The following DRC11 variants were observed in gnomAD, a reference collection of about 807,000 sequenced individuals.
The protein encoded by DRC11 is dynein regulatory complex subunit 11, also known as IQ and AAA domain-containing protein 1.
the DRC11 span, among the ~76,000 whole-genome samples, chr2:236,357,720 AAT>A: frequency 4.7e-5 from 6 of 126,650 alleles, no homozygotes; most frequent in East Asian, 1.2e-3. Flanking sequence ...ATGTATTTAT[AAT>A]ATATAAATAT....
At chr2:236,341,807 C>T in the DRC11 span, among the ~76,000 whole-genome samples, 24 of 152,274 alleles carry the variant, frequency 1.6e-4, no homozygotes, top group Admixed American at 3.3e-4. Context: ...CAGCATGACC[C>T]GAGAGCAGCT....
chr2:236,367,721 C>T, the DRC11 span: 4 of 172,786 alleles, frequency 2.3e-5, no homozygotes, highest in African/African-American at 7.2e-5. The surrounding 1 kb of genome is among the most constrained non-coding windows in gnomAD (Gnocchi z 4.8). Flanking sequence ...ACAATTGAAC[C>T]TCATTTAGCA....
the DRC11 span, chr2:236,392,223 A>G: frequency 6.6e-7 from 1 of 1,512,214 alleles, no homozygotes; most frequent in East Asian, 2.3e-5. This position sits in a 1 kb window ranked among gnomAD's most constrained non-coding sequence, Gnocchi z 5.1. Context: ...TGCTGTTACT[A>G]CACCATAAAC....
At chr2:236,439,518 T>A in the DRC11 span, among the ~76,000 whole-genome samples, 3 of 152,212 alleles carry the variant, frequency 2.0e-5, 1 homozygote, top group South Asian at 6.2e-4. Flanking sequence ...TTGTTCAGTC[T>A]ATCATTCAAG....
chr2:236,338,228 C>T, the DRC11 span: 1 of 1,613,792 alleles, frequency 6.2e-7, no homozygotes, highest in East Asian at 2.2e-5. Flanking sequence ...ATAGTCTGGT[C>T]TGGGCACCAA....
the DRC11 span, among the ~76,000 whole-genome samples, chr2:236,315,765 A>T: frequency 6.6e-6 from 1 of 152,158 alleles, no homozygotes; most frequent in South Asian, 2.1e-4. The surrounding 1 kb of genome is among the most constrained non-coding windows in gnomAD (Gnocchi z 5.1). Context: ...AGAAAACCAA[A>T]CACCGCATAT....
At chr2:236,373,341 C>A in the DRC11 span, among the ~76,000 whole-genome samples, 1 of 151,870 alleles carries the variant, frequency 6.6e-6, no homozygotes, top group African/African-American at 2.4e-5. Context: ...ACGCAACCTC[C>A]CTGGCTTCAA....
the DRC11 span, among the ~76,000 whole-genome samples, chr2:236,427,218 T>A: frequency 6.6e-6 from 1 of 152,236 alleles, no homozygotes; most frequent in South Asian, 2.1e-4. This position sits in a 1 kb window ranked among gnomAD's most constrained non-coding sequence, Gnocchi z 5.9. Flanking sequence ...ATGTTCATCA[T>A]GAACATTGGC....
the DRC11 span, among the ~76,000 whole-genome samples, chr2:236,329,703 C>A: frequency 6.6e-6 from 1 of 152,176 alleles, no homozygotes; most frequent in South Asian, 2.1e-4. Flanking sequence ...TATTAAACAT[C>A]TACTTGGGGC....
chr2:236,442,094 C>A, the DRC11 span, among the ~76,000 whole-genome samples: 1 of 152,074 alleles, frequency 6.6e-6, no homozygotes, highest in South Asian at 2.1e-4. Flanking sequence ...GAACAAGATC[C>A]TATCTCCAAA....
At chr2:236,446,845 C>A in the DRC11 span, among the ~76,000 whole-genome samples, 596 of 152,330 alleles carry the variant, frequency 3.9e-3, 5 homozygotes, top group African/African-American at 0.014. The surrounding 1 kb of genome is among the most constrained non-coding windows in gnomAD (Gnocchi z 6.2). Flanking sequence ...AGGGGAGCCA[C>A]CACCTTCAAG....
At chr2:236,355,865 C>G in the DRC11 span, among the ~76,000 whole-genome samples, 1 of 152,032 alleles carries the variant, frequency 6.6e-6, no homozygotes, top group Non-Finnish European at 1.5e-5. Flanking sequence ...CTTTTATGAA[C>G]TACAGAAATT....
the DRC11 span, among the ~76,000 whole-genome samples, chr2:236,448,692 G>A: frequency 2.0e-3 from 309 of 152,052 alleles, 2 homozygotes; most frequent in Admixed American, 6.7e-3. This position sits in a 1 kb window ranked among gnomAD's most constrained non-coding sequence, Gnocchi z 5.3. Context: ...GGAGGCCTCC[G>A]GAGGGCCCAA....
At chr2:236,477,033 A>C in the DRC11 span, among the ~76,000 whole-genome samples, 1 of 152,126 alleles carries the variant, frequency 6.6e-6, no homozygotes, top group African/African-American at 2.4e-5. Context: ...GGATTTCTCC[A>C]TCTATGTTCA....
At chr2:236,349,683 T>C in the DRC11 span, among the ~76,000 whole-genome samples, 1 of 152,198 alleles carries the variant, frequency 6.6e-6, no homozygotes, top group Admixed American at 6.5e-5. This position sits in a 1 kb window ranked among gnomAD's most constrained non-coding sequence, Gnocchi z 5.5. Flanking sequence ...TGAGAATGCA[T>C]GGACACGAAG....
chr2:236,467,809 C>A, the DRC11 span, among the ~76,000 whole-genome samples: 1 of 152,162 alleles, frequency 6.6e-6, no homozygotes, highest in African/African-American at 2.4e-5. Context: ...AAAACATTAT[C>A]TTAAAGATTC....
chr2:236,497,621 A>C, the DRC11 span: 1 of 639,350 alleles, frequency 1.6e-6, no homozygotes, highest in Admixed American at 3.0e-5. The surrounding 1 kb of genome is among the most constrained non-coding windows in gnomAD (Gnocchi z 5.1). Context: ...TATAGTTGCA[A>C]GGCTTGATAG....
the DRC11 span, among the ~76,000 whole-genome samples, chr2:236,442,983 C>G: frequency 1.3e-5 from 2 of 152,184 alleles, no homozygotes; most frequent in East Asian, 1.9e-4. Flanking sequence ...CTGGTTCAGT[C>G]TGAGCCTTAA....
At chr2:236,459,680 T>TGTATATAC in the DRC11 span, among the ~76,000 whole-genome samples, 589 of 122,024 alleles carry the variant, frequency 4.8e-3, 8 homozygotes, top group African/African-American at 0.015. Context: ...TACGTATATA[T>TGTATATAC]GTATATACAT....
Sources: allele counts gnomAD v4.1 joint callset (sites outside exome capture counted in the v4.1 genomes callset), GRCh38; gene constraint gnomAD v4.1.1; non-coding constraint Gnocchi (gnomAD v3.1); transcripts MANE v1.5; gene names NCBI Gene and HGNC (gene_info 2026-07-23, HGNC 2026-07-21).